TLN2: variants seen among roughly 807,000 people sequenced by gnomAD.
TLN2 encodes the protein talin 2.
Under a neutral mutation model 294.7 loss-of-function variants are expected in TLN2, and 118 were observed. That is an observed-to-expected ratio of 0.40 (90% CI 0.34 to 0.47). TLN2 has a LOEUF of 0.47. Among genes scored for constraint, TLN2 ranks in the 20% least tolerant of loss-of-function variants. The pLI, the probability that TLN2 is intolerant of heterozygous loss-of-function variation, is 0.84. For missense variants in TLN2, 3,083 were observed against 3,282.2 expected (o/e 0.94, Z 1.48); for synonymous variants, 1,431 against 1,304.5 (o/e 1.10, Z -2.09).
At chr15:62,750,576 C>G in intron 34 of TLN2, 85 bp downstream of exon 34, 1 of 1,187,218 alleles carries the variant, frequency 8.4e-7, no homozygotes, top group Non-Finnish European at 1.3e-6. Flanking sequence ...GTGCATCTGC[C>G]TGTGGCTGGT....
At chr15:62,595,356 G>T (rs2046400131) in intron 2 of TLN2, among the ~76,000 whole-genome samples, 1 of 147,932 alleles carries the variant, frequency 6.8e-6, no homozygotes, top group African/African-American at 2.5e-5. Flanking sequence ...GGAGGTAGAG[G>T]TTGCAGTGAG....
intron 1 of TLN2, among the ~76,000 whole-genome samples, chr15:62,557,897 C>A (rs1011800601): frequency 2.0e-5 from 3 of 152,178 alleles, no homozygotes; most frequent in Non-Finnish European, 4.4e-5. Context: ...AAGCCACAAG[C>A]CCTAGTACCT....
intron 1 of TLN2, among the ~76,000 whole-genome samples, chr15:62,541,659 C>T (rs1033767199): frequency 2.6e-5 from 4 of 152,052 alleles, no homozygotes; most frequent in Admixed American, 6.6e-5. Flanking sequence ...GAGCCATAGA[C>T]GGCACACCTG....
intron 1 of TLN2, among the ~76,000 whole-genome samples, chr15:62,429,297 A>G (rs2034887744): frequency 6.6e-6 from 1 of 152,162 alleles, no homozygotes. Context: ...TGTTCTGGGA[A>G]GCCAGGAGGA....
rs1407412231 is a variant in TLN2, at chr15:62,737,180, A to T, written c.3567+94A>T. The stretch of plus-strand genomic sequence containing the variant: ...TCCTGGGCACTTTTCCCTGATATGA[A>T]CACTGACACAGCAGATGTTTTCAGA... On this transcript the variant is annotated intron_variant, in intron 29 of 58. Transcript: ENST00000636159. The T allele has an allele frequency of 8.8e-6, 11 of 1,256,436 alleles. No individual in the cohort carries two copies. The East Asian group carries it at 2.2e-4, about 25-fold the overall frequency. The allele number at this position is 1,256,436 out of a possible 1,614,324, so 77.8% of individuals were successfully genotyped here. A position where few individuals can be genotyped will look rare whatever the true frequency, so the allele number is the denominator to read the frequency against.
chr15:62,406,875 A>G (rs1258695947), intron 1 of TLN2, among the ~76,000 whole-genome samples: 1 of 152,100 alleles, frequency 6.6e-6, no homozygotes, highest in Non-Finnish European at 1.5e-5. Flanking sequence ...TAATGATCTC[A>G]TTTCAACTTG....
rs528559562 is a variant in TLN2 at position 62,814,990 on chromosome 15, G to A, written c.6772-4526G>A. ...TGCCCAAGCCTGGGAAGTAGTGTTC[G>A]TTTTCAGAGGGGATTCTAATGACAA... is the stretch of plus-strand genomic sequence containing the variant. On this transcript the variant is annotated intron_variant, in intron 52 of 58. Coordinates refer to ENST00000636159, the MANE Select transcript of TLN2 (RefSeq NM_015059.3). 5.9e-5 allele frequency among the ~76,000 whole-genome samples: 9 copies of A among 152,264 alleles called. No homozygotes were observed. In the South Asian group the frequency reaches 1.0e-3, roughly 18 times the overall value.
chr15:62,783,191 T>C (rs1209677805), intron 44 of TLN2, among the ~76,000 whole-genome samples: 2 of 152,250 alleles, frequency 1.3e-5, no homozygotes, highest in Admixed American at 6.5e-5. Context: ...AGCTGTATCC[T>C]CTATGAGTGT....
chr15:62,803,456 T>C (rs562614363), intron 50 of TLN2, among the ~76,000 whole-genome samples: 77 of 152,338 alleles, frequency 5.1e-4, no homozygotes, highest in African/African-American at 1.8e-3. Context: ...AATTTGTCCT[T>C]TTGAAGCTAT....
intron 51 of TLN2, among the ~76,000 whole-genome samples, chr15:62,807,727 G>A (rs1012666149): frequency 6.6e-6 from 1 of 152,238 alleles, no homozygotes; most frequent in Middle Eastern, 3.4e-3. Flanking sequence ...CTGTCATCTC[G>A]ACCCTGGGAT....
intron 3 of TLN2, among the ~76,000 whole-genome samples, chr15:62,624,499 T>G (rs767874776): frequency 2.0e-5 from 3 of 152,224 alleles, no homozygotes; most frequent in Non-Finnish European, 2.9e-5. Context: ...ACAGCTTTGT[T>G]TCAGAAGCTT....
chr15:62,809,899 A>T, intron 51 of TLN2, 26 bp from the exon 52 acceptor site: 1 of 1,609,722 alleles, frequency 6.2e-7, no homozygotes, highest in African/African-American at 1.3e-5. Context: ...CCATGTTAAG[A>T]TTTCAGCATT....
At chr15:62,714,117 G>T (rs1249212777) in intron 22 of TLN2, among the ~76,000 whole-genome samples, 1 of 146,644 alleles carries the variant, frequency 6.8e-6, no homozygotes. Flanking sequence ...TTTTACAAAT[G>T]AAAAAAATTA....
chr15:62,489,028 G>T (rs1345708226), intron 1 of TLN2, among the ~76,000 whole-genome samples: 2 of 152,202 alleles, frequency 1.3e-5, no homozygotes, highest in African/African-American at 2.4e-5. Context: ...GGGCATGGTG[G>T]TGCATGCCTG....
intron 58 of TLN2, among the ~76,000 whole-genome samples, 200 bp downstream of exon 58, chr15:62,839,181 G>T (rs146470284): frequency 1.3e-5 from 2 of 152,148 alleles, no homozygotes; most frequent in Non-Finnish European, 2.9e-5. Flanking sequence ...CCTTGGCCAC[G>T]TGGTCCACGT....
intron 2 of TLN2, among the ~76,000 whole-genome samples, chr15:62,617,444 G>C (rs573453670): frequency 1.2e-4 from 19 of 152,278 alleles, no homozygotes; most frequent in African/African-American, 3.4e-4. Flanking sequence ...GTCATGGCAA[G>C]GCACTCACCT....
Position 62,737,067 on chromosome 15 carries a change from G to A in TLN2, c.3548G>A (p.Arg1183His), listed in dbSNP as rs141736961. The change falls in exon 29 of 59, where the codon CGT (arginine) becomes CAT (histidine). Residue 1183 changes from arginine to histidine, a missense_variant. Transcript: ENST00000636159. ...CTGATTGCACCTGGAGATGCAGAGC[G>A]TCAACAAAGACTGGCTCAGGTGAGG... ...QALIAPGDAE[R>H]QQRLAQVAKA... The A allele has an allele frequency of 1.1e-3, 1,754 of 1,614,218 alleles. 19 individuals carry two copies. The East Asian group carries it at 0.019, about 17-fold the overall frequency.
chr15:62,716,441 A>G lies in TLN2; in HGVS notation c.2745A>G (p.Lys915=). ...CTGCCCAGAATGCTATTAAGAAAAA[A>G]ATTGTCAACCGACTGGAGGTAAGGA... ...NAAAQNAIKK[K]IVNRLEVAAK... is the part of the protein sequence containing the mutation. Residue 915 remains lysine (K), a synonymous_variant, in exon 23 of 59, where the codon AAA becomes AAG. Coordinates refer to ENST00000636159, the MANE Select transcript of TLN2 (RefSeq NM_015059.3). The G allele has an allele frequency of 6.2e-7, 1 of 1,605,790 alleles. No homozygotes were observed. The highest frequency in any genetic ancestry group is 1.1e-5 in the South Asian group (1 of 89,486).
intron 1 of TLN2, among the ~76,000 whole-genome samples, chr15:62,506,744 A>G (rs2039642665): frequency 6.6e-6 from 1 of 152,178 alleles, no homozygotes; most frequent in South Asian, 2.1e-4. Context: ...GTTACACTCT[A>G]GGGCCCCAAG....
Sources: gnomAD v4.1 joint callset for allele counts (sites outside exome capture counted in the v4.1 genomes callset) on GRCh38, gnomAD v4.1.1 for gene constraint, MANE v1.5 for transcripts, NCBI Gene and HGNC (gene_info 2026-07-23, HGNC 2026-07-21) for gene names.